Variants in ERBB4 observed in about 807,000 individuals in gnomAD.
ERBB4 encodes receptor tyrosine-protein kinase erbB-4.
ERBB4 carries 42 observed loss-of-function variants against 158.0 expected under a neutral mutation model. That is an observed-to-expected ratio of 0.27 (90% CI 0.21 to 0.34). ERBB4 has a LOEUF of 0.34. ERBB4 is among the 10% of genes least tolerant of loss of function. ERBB4 has a pLI of 1.00. For synonymous variants in ERBB4, 583 were observed against 558.7 expected, an observed-to-expected ratio of 1.04 and a Z score of -0.61; for missense variants, 1,333 against 1,624.1, an observed-to-expected ratio of 0.82 and a Z score of 3.08.
chr2:212,038,666 T>C (rs1258591594), intron 2 of ERBB4, among the ~76,000 whole-genome samples: 1 of 152,188 alleles, frequency 6.6e-6, no homozygotes, highest in African/African-American at 2.4e-5. Flanking sequence ...TTCTTCTTCT[T>C]TCACCATATC....
intron 23 of ERBB4, among the ~76,000 whole-genome samples, chr2:211,423,903 T>A (rs573102072): frequency 1.3e-5 from 2 of 151,868 alleles, no homozygotes; most frequent in Admixed American, 6.6e-5. Flanking sequence ...TAATTACCTC[T>A]CTTTACGACA....
At chr2:211,565,425 G>A (rs1249044727) in intron 19 of ERBB4, among the ~76,000 whole-genome samples, 1 of 152,100 alleles carries the variant, frequency 6.6e-6, no homozygotes, top group Non-Finnish European at 1.5e-5. Flanking sequence ...CACAGTATAA[G>A]CATATTATTT....
chr2:211,768,664 G>A (rs538493980), intron 4 of ERBB4, among the ~76,000 whole-genome samples: 2 of 152,290 alleles, frequency 1.3e-5, no homozygotes, highest in East Asian at 1.9e-4. Context: ...TGAACTGTAT[G>A]TTGGCTCCTT....
rs1230777559 is a variant in ERBB4, at chr2:211,379,510, T to C, written c.*4105A>G. Reference sequence around the variant, plus strand: ...AAACCCAACAAACAACAATTTTAAATGGCAAACTTATCTTTTTACTATGCA... The same window carrying C: ...AAACCCAACAAACAACAATTTTAAACGGCAAACTTATCTTTTTACTATGCA... On this transcript the variant is annotated 3_prime_UTR_variant, in exon 28 of 28. Transcript: ENST00000342788. 1 of 231,038 alleles carries C rather than the reference T, an allele frequency of 4.3e-6. No individual in the cohort carries two copies. The highest frequency in any genetic ancestry group is 2.2e-5 in the African/African-American group (1 of 45,246). The allele number at this position is 231,038 out of a possible 1,614,324, so 14.3% of individuals were successfully genotyped here.
intron 1 of ERBB4, among the ~76,000 whole-genome samples, chr2:212,364,442 A>G (rs1408960390): frequency 2.6e-5 from 4 of 151,698 alleles, no homozygotes; most frequent in Non-Finnish European, 4.4e-5. Context: ...GCAACTGGGC[A>G]GCCTTTACAA....
At chr2:211,926,025 T>C (rs1416371093) in intron 3 of ERBB4, among the ~76,000 whole-genome samples, 2 of 151,840 alleles carry the variant, frequency 1.3e-5, no homozygotes, top group Non-Finnish European at 2.9e-5. Flanking sequence ...CCCAAGAAAA[T>C]TGTGATCTTT....
intron 25 of ERBB4, among the ~76,000 whole-genome samples, chr2:211,417,434 A>G (rs1387309427): frequency 1.3e-5 from 2 of 152,212 alleles, no homozygotes; most frequent in African/African-American, 4.8e-5. Context: ...AGATCGTGCT[A>G]CTGCACTCCA....
At chr2:212,220,972 A>C (rs9288448) in intron 1 of ERBB4, among the ~76,000 whole-genome samples, 79,776 of 151,152 alleles carry the variant, frequency 0.53, 21,328 homozygotes, top group East Asian at 0.76. Flanking sequence ...CCATATATTT[A>C]TTTGAAAAAT....
At chr2:212,107,562 AATGAG>A (rs1470427650) in intron 2 of ERBB4, among the ~76,000 whole-genome samples, 1 of 152,156 alleles carries the variant, frequency 6.6e-6, no homozygotes, top group Non-Finnish European at 1.5e-5. Flanking sequence ...TTGACACTGA[AATGAG>A]ATAAGACTTT....
intron 1 of ERBB4, among the ~76,000 whole-genome samples, chr2:212,208,367 C>T (rs1421003218): frequency 6.6e-6 from 1 of 152,018 alleles, no homozygotes; most frequent in East Asian, 1.9e-4. Context: ...ATTTGTTCTT[C>T]TTAGTATATA....
intron 1 of ERBB4, among the ~76,000 whole-genome samples, chr2:212,259,972 G>A (rs1305321157): frequency 6.6e-6 from 1 of 151,932 alleles, no homozygotes; most frequent in East Asian, 1.9e-4. Context: ...AAGAGGCTGA[G>A]GCAGGAGAAT....
chr2:212,291,947 C>A (rs2086223245), intron 1 of ERBB4, among the ~76,000 whole-genome samples: 1 of 151,842 alleles, frequency 6.6e-6, no homozygotes, highest in African/African-American at 2.4e-5. Flanking sequence ...TGGACTGTTA[C>A]AATTAATCAT....
chr2:212,199,130 C>A (rs1559726087), intron 1 of ERBB4, among the ~76,000 whole-genome samples: 1 of 152,052 alleles, frequency 6.6e-6, no homozygotes, highest in Non-Finnish European at 1.5e-5. Flanking sequence ...TGCACAAGGG[C>A]TTCAATTTTT....
Position 211,606,513 on chromosome 2 carries a change from C to G in ERBB4, c.2301+12664G>C, listed in dbSNP as rs747355326. ...TTACCAAGTAGAAGAGTGGGTTTCTCTCTAATAAACCTATTGATATTATTT... is the reference window on the plus strand; with the variant it reads ...TTACCAAGTAGAAGAGTGGGTTTCTGTCTAATAAACCTATTGATATTATTT... On this transcript the variant is annotated intron_variant, in intron 19 of 27. Transcript: ENST00000342788. Among the ~76,000 whole-genome samples the G allele has an allele frequency of 3.6e-4, 54 of 151,638 alleles. 1 individual carries two copies. Among genetic ancestry groups the G allele is most frequent in the Non-Finnish European group, 6.0e-4 (41 of 67,874 alleles).
chr2:212,434,368 T>A (rs1289082388), intron 1 of ERBB4, among the ~76,000 whole-genome samples: 2 of 151,954 alleles, frequency 1.3e-5, no homozygotes, highest in East Asian at 3.9e-4. Context: ...AGATGGTGCT[T>A]ATGGATACTA....
At chr2:211,694,569 T>TC (rs1671146536) in intron 12 of ERBB4, among the ~76,000 whole-genome samples, 1 of 151,864 alleles carries the variant, frequency 6.6e-6, no homozygotes, top group Admixed American at 6.6e-5. Flanking sequence ...TGCTTTTTTT[T>TC]TTTTACAAAG....
intron 1 of ERBB4, among the ~76,000 whole-genome samples, chr2:212,353,114 C>T (rs1038844479): frequency 2.6e-5 from 4 of 151,928 alleles, no homozygotes; most frequent in African/African-American, 9.7e-5. Flanking sequence ...TCAAATGCAG[C>T]CGTCAGGACC....
At chr2:212,191,634 C>A (rs1228338438) in intron 1 of ERBB4, among the ~76,000 whole-genome samples, 1 of 119,682 alleles carries the variant, frequency 8.4e-6, no homozygotes, top group Non-Finnish European at 1.9e-5. Context: ...ATGTGTTATG[C>A]ATGCTATATA....
intron 3 of ERBB4, among the ~76,000 whole-genome samples, chr2:211,825,715 T>C (rs916411993): frequency 4.0e-5 from 6 of 149,484 alleles, no homozygotes; most frequent in African/African-American, 9.8e-5. Flanking sequence ...GAATTAAATA[T>C]GATGTTTAAA....
Sources: gnomAD v4.1 joint callset for allele counts (sites outside exome capture counted in the v4.1 genomes callset) on GRCh38, gnomAD v4.1.1 for gene constraint, MANE v1.5 for transcripts, NCBI Gene and HGNC (gene_info 2026-07-23, HGNC 2026-07-21) for gene names.